The following UBR2 variants were observed in gnomAD, a reference collection of about 807,000 sequenced individuals.
UBR2 encodes the protein ubiquitin protein ligase E3 component n-recognin 2.
In UBR2, 92 loss-of-function variants were observed where a neutral mutation model predicts 247.9. The ratio of observed to expected loss-of-function variants is 0.37; its 90% CI spans 0.31 to 0.44. The LOEUF is 0.44. Ranked by LOEUF, UBR2 falls within the 20% of genes least tolerant of loss-of-function variation. UBR2 has a pLI of 1.00. For synonymous variants in UBR2, 672 were observed against 693.5 expected, an observed-to-expected ratio of 0.97 and a Z score of 0.49; for missense variants, 1,613 against 2,112.6, an observed-to-expected ratio of 0.76 and a Z score of 4.64.
Position 42,622,673 on chromosome 6 carries a change from G to A in UBR2, c.1281+5166G>A, listed in dbSNP as rs1795067221. ...CCCACCTCGGCCTCCCAAAGTGCTG[G>A]GATTACAAGCCTGAGCCACCGCACC... On this transcript the variant is annotated intron_variant, in intron 11 of 46. Transcript: ENST00000372901. Among the ~76,000 whole-genome samples the A allele has an allele frequency of 2.6e-5, 4 of 151,836 alleles. No individual in the cohort carries two copies. In the South Asian group the frequency reaches 8.3e-4, roughly 32 times the overall value.
At chr6:42,683,627 C>T (rs146992768) in intron 43 of UBR2, among the ~76,000 whole-genome samples, 74 of 152,254 alleles carry the variant, frequency 4.9e-4, no homozygotes, top group African/African-American at 1.7e-3. Flanking sequence ...ATACAAGTTG[C>T]GCATCTCTAA....
At chr6:42,608,041 T>C (rs1484193266) in intron 7 of UBR2, among the ~76,000 whole-genome samples, 1 of 152,174 alleles carries the variant, frequency 6.6e-6, no homozygotes, top group African/African-American at 2.4e-5. Flanking sequence ...TTTATTCTCC[T>C]GTTGATAGAC....
At chr6:42,638,526 C>T (rs956139279) in intron 15 of UBR2, among the ~76,000 whole-genome samples, 1 of 152,062 alleles carries the variant, frequency 6.6e-6, no homozygotes, top group Admixed American at 6.6e-5. Flanking sequence ...TAGACCATTA[C>T]CTAGAATGAA....
chr6:42,614,205 A>AAATAT lies in UBR2; in HGVS notation c.986-866_986-865insAATAT, dbSNP rs1562310782. Among the ~76,000 whole-genome samples the AAATAT allele has an allele frequency of 2.2e-3, 59 of 26,590 alleles. 5 individuals are homozygous for AAATAT. Among genetic ancestry groups the AAATAT allele is most frequent in the Non-Finnish European group, 2.9e-3 (43 of 14,860 alleles). 17.4% of individuals were successfully genotyped at this position (26,590 alleles called of 152,430 possible). On this transcript the variant is annotated intron_variant, in intron 8 of 46. Transcript: ENST00000372901. ...AAAAAAAAAAAAAAAAAAAAAAAAAACTATATATATATACACACACACACA... is the reference window on the plus strand; with the variant it reads ...AAAAAAAAAAAAAAAAAAAAAAAAAAAATATCTATATATATATACACACACACACA...
chr6:42,601,322 G>A (rs1412301015), intron 4 of UBR2, among the ~76,000 whole-genome samples: 1 of 152,136 alleles, frequency 6.6e-6, no homozygotes, highest in Non-Finnish European at 1.5e-5. Flanking sequence ...CTGTATACAA[G>A]TGATTTCACC....
intron 4 of UBR2, among the ~76,000 whole-genome samples, chr6:42,598,182 T>C (rs1011585854): frequency 3.9e-5 from 6 of 152,184 alleles, no homozygotes; most frequent in Non-Finnish European, 5.9e-5. Context: ...AAGCCAAATC[T>C]TGTCCACAAC....
intron 22 of UBR2, among the ~76,000 whole-genome samples, chr6:42,648,981 A>G (rs1796944008): frequency 6.6e-6 from 1 of 152,128 alleles, no homozygotes; most frequent in Non-Finnish European, 1.5e-5. Flanking sequence ...TTTAGTTTTT[A>G]CATAATATAC....
intron 8 of UBR2, 54 bp from the exon 9 acceptor site, chr6:42,615,017 A>AC: frequency 1.4e-6 from 2 of 1,444,996 alleles, no homozygotes. Context: ...CTAAAATGTC[A>AC]CTATTTTAAT....
chr6:42,567,320 C>A (rs1436769483), intron 1 of UBR2, among the ~76,000 whole-genome samples: 2 of 152,168 alleles, frequency 1.3e-5, no homozygotes, highest in Non-Finnish European at 2.9e-5. Context: ...TCTTCTCATT[C>A]TTCTCTTTTC....
intron 33 of UBR2, 117 bp downstream of exon 33, chr6:42,665,629 A>G (rs1022399205): frequency 5.1e-6 from 4 of 784,304 alleles, no homozygotes; most frequent in African/African-American, 3.5e-5. Context: ...GACTCATTCT[A>G]ATTTTCCTTG....
chr6:42,659,739 T>C lies in UBR2; in HGVS notation c.3326T>C (p.Ile1109Thr). 1 of 1,614,118 alleles carries C rather than the reference T, an allele frequency of 6.2e-7. No homozygotes were observed. Among genetic ancestry groups the C allele is most frequent in the Non-Finnish European group, 8.5e-7 (1 of 1,180,012 alleles). Residue 1109 changes from isoleucine to threonine, a missense_variant, in exon 30 of 47, where the codon ATA (isoleucine) becomes ACA (threonine). Ile to Thr is a moderately conservative substitution (Grantham distance 89). This residue lies in a region of UBR2 where 1,524 missense variants were observed against 1,967.3 expected (regional missense o/e 0.77). Coordinates refer to ENST00000372901, the MANE Select transcript of UBR2 (RefSeq NM_001363705.2). This position sits in a 1 kb window ranked among gnomAD's most constrained non-coding sequence, Gnocchi z 4.3. ...GAACAAAGACAATTCGTTACATGTA[T>C]ATTGTGTCAAGAGGAGCAAGAAGTT... Reference protein sequence around the residue: ...VPEQRQFVTCILCQEEQEVKV... With the variant: ...VPEQRQFVTCTLCQEEQEVKV...
At chr6:42,646,177 A>G (rs1464614809) in intron 21 of UBR2, among the ~76,000 whole-genome samples, 4 of 152,168 alleles carry the variant, frequency 2.6e-5, no homozygotes, top group Non-Finnish European at 4.4e-5. Flanking sequence ...GGTTTTTCAG[A>G]AACTCAACCC....
intron 1 of UBR2, among the ~76,000 whole-genome samples, chr6:42,567,596 G>A (rs572181603): frequency 6.6e-6 from 1 of 152,258 alleles, no homozygotes; most frequent in African/African-American, 2.4e-5. Context: ...GGGCATGGTG[G>A]TGCACCCCTG....
chr6:42,589,293 TTTC>T (rs1290224243), intron 2 of UBR2, among the ~76,000 whole-genome samples: 8 of 152,224 alleles, frequency 5.3e-5, no homozygotes, highest in Non-Finnish European at 1.0e-4. Context: ...GTGTGTAATT[TTTC>T]TTCTTTAGCC....
At chr6:42,638,249 G>A (rs1264233013) in intron 15 of UBR2, among the ~76,000 whole-genome samples, 1 of 152,042 alleles carries the variant, frequency 6.6e-6, no homozygotes, top group Non-Finnish European at 1.5e-5. Context: ...TCAGGGAATT[G>A]ATCCATTTCA....
At chr6:42,583,527 C>CTT (rs748195321) in intron 2 of UBR2, among the ~76,000 whole-genome samples, 23 of 128,900 alleles carry the variant, frequency 1.8e-4, no homozygotes, top group African/African-American at 5.2e-4. Flanking sequence ...GATTACAGGG[C>CTT]TTTTTTTTTT....
chr6:42,604,957 G>T lies in UBR2; in HGVS notation c.663-764G>T, dbSNP rs536225686. Among the ~76,000 whole-genome samples, 21 of 152,030 alleles carry T rather than the reference G, an allele frequency of 1.4e-4. No homozygotes were observed. In the East Asian group the frequency reaches 3.9e-3, roughly 28 times the overall value. ...CAGGAGGATCAATTGAACCTGGGTG[G>T]TTGAGGCTGCAGTGAGCCAAGATTG... On this transcript the variant is annotated intron_variant, in intron 5 of 46. Transcript: ENST00000372901.
Position 42,641,619 on chromosome 6 carries a change from T to G in UBR2, c.1958T>G (p.Leu653Arg), listed in dbSNP as rs1399759371. 1 of 1,603,306 alleles carries G rather than the reference T, an allele frequency of 6.2e-7. No individual in the cohort carries two copies. Among genetic ancestry groups the G allele is most frequent in the African/African-American group, 1.4e-5 (1 of 73,948 alleles). Reference sequence around the variant, plus strand: ...CCACCCATGTTGATAGAACACCCTCTTAGATGTCTTGTTCTGTGTGCCCAA... The same window carrying G: ...CCACCCATGTTGATAGAACACCCTCGTAGATGTCTTGTTCTGTGTGCCCAA... ...LSPPMLIEHP[L>R]RCLVLCAQVH... Residue 653 changes from leucine (L) to arginine (R), a missense_variant, in exon 17 of 47, where the codon CTT (leucine) becomes CGT (arginine). Leu to Arg is a moderately radical substitution (Grantham distance 102, BLOSUM62 -2). Transcript: ENST00000372901.
At chr6:42,614,203 A>AATAT (rs1794289175) in intron 8 of UBR2, among the ~76,000 whole-genome samples, 4 of 54,786 alleles carry the variant, frequency 7.3e-5, no homozygotes, top group South Asian at 6.3e-4. Context: ...AAAAAAAAAA[A>AATAT]AACTATATAT....
Sources: gnomAD v4.1 joint callset for allele counts (sites outside exome capture counted in the v4.1 genomes callset) on GRCh38, gnomAD v4.1.1 for gene constraint, gnomAD v4.1.1 regional missense constraint, Gnocchi (gnomAD v3.1) non-coding constraint, MANE v1.5 for transcripts, NCBI Gene and HGNC (gene_info 2026-07-23, HGNC 2026-07-21) for gene names.